ATAD3A: variants seen among roughly 807,000 people sequenced by gnomAD.
ATAD3A encodes the protein ATPase family AAA domain-containing protein 3A.
In ATAD3A, 46 loss-of-function variants were observed where a neutral mutation model predicts 73.8. That is an observed-to-expected ratio of 0.62 (90% CI 0.49 to 0.80). The LOEUF (loss-of-function observed/expected upper bound fraction) is 0.80, where lower values mean the gene tolerates loss of function less well. Among genes scored for constraint, ATAD3A ranks in the 30% least tolerant of loss-of-function variants. ATAD3A has a pLI of 0.00. For missense variants in ATAD3A, 705 were observed against 838.0 expected, an observed-to-expected ratio of 0.84 and a Z score of 1.96; for synonymous variants, 319 against 350.0, an observed-to-expected ratio of 0.91 and a Z score of 0.99.
At chr1:1,525,101 A>G (rs1356459838) in intron 11 of ATAD3A, 139 bp from the exon 12 acceptor site, 2 of 1,206,960 alleles carry the variant, frequency 1.7e-6, no homozygotes, top group African/African-American at 3.0e-5. Flanking sequence ...TGTCGAGTCC[A>G]GGACTTAGGG....
chr1:1,520,625 TACTCATAAAACA>T lies in ATAD3A; in HGVS notation c.750+9_750+20del, dbSNP rs771864890. On this transcript the variant is annotated intron_variant, in intron 7 of 15. Transcript: ENST00000378756. This position sits in a 1 kb window ranked among gnomAD's most constrained non-coding sequence, Gnocchi z 4.0. ...GACAAAGTGACAGCCACGGTAAACATACTCATAAAACAGGGCTGGCAGGTGGCTGAGGGGCAG... is the reference window on the plus strand; with the variant it reads ...GACAAAGTGACAGCCACGGTAAACATGGGCTGGCAGGTGGCTGAGGGGCAG... 1.2e-6 allele frequency: 2 copies of T among 1,613,300 alleles called. No homozygotes were observed. The highest frequency in any genetic ancestry group is 2.2e-5 in the South Asian group (2 of 91,040).
At chr1:1,528,389 A>G (rs529796095) in intron 14 of ATAD3A, among the ~76,000 whole-genome samples, 1 of 147,150 alleles carries the variant, frequency 6.8e-6, no homozygotes, top group Non-Finnish European at 1.5e-5. Flanking sequence ...CGGGATTCGA[A>G]GGAGTCTCTC....
intron 14 of ATAD3A, among the ~76,000 whole-genome samples, 192 bp downstream of exon 14, chr1:1,528,054 G>A (rs558622016): frequency 1.1e-3 from 160 of 151,792 alleles, no homozygotes; most frequent in Non-Finnish European, 1.8e-3. Flanking sequence ...CTGCCTCCCG[G>A]GTTCAAACAA....
At chr1:1,527,969 T>TC in intron 14 of ATAD3A, 107 bp downstream of exon 14, 1 of 1,382,394 alleles carries the variant, frequency 7.2e-7, no homozygotes, top group Non-Finnish European at 9.7e-7. Flanking sequence ...TTTTTTTTTT[T>TC]TTTTTTTGAG....
chr1:1,525,343 C>T (rs757150155), intron 12 of ATAD3A, 52 bp downstream of exon 12: 21 of 1,609,172 alleles, frequency 1.3e-5, no homozygotes, highest in African/African-American at 4.0e-5. Flanking sequence ...TGGGCACAGC[C>T]GTCTGCCTGG....
At position 1,518,699 on chromosome 1, in the gene ATAD3A, G is replaced by T. The variant is rs559018398; in HGVS notation, c.445-222G>T. On this transcript the variant is annotated intron_variant, in intron 4 of 15. Coordinates refer to ENST00000378756, the MANE Select transcript of ATAD3A (RefSeq NM_001170535.3). ...CACACACACACACACACCCAAACGG[G>T]TGCACAACCCACCCACACATGGGCA... is the stretch of plus-strand genomic sequence containing the variant. Among the ~76,000 whole-genome samples the T allele has an allele frequency of 1.8e-3, 182 of 99,686 alleles. 1 individual carries two copies. The highest frequency in any genetic ancestry group is 7.2e-3 in the African/African-American group (174 of 24,264). 65.4% of individuals were successfully genotyped at this position (99,686 alleles called of 152,430 possible).
At chr1:1,528,203 T>G (rs1641916618) in intron 14 of ATAD3A, among the ~76,000 whole-genome samples, 1 of 152,130 alleles carries the variant, frequency 6.6e-6, no homozygotes, top group African/African-American at 2.4e-5. Context: ...CCTCAAGTGA[T>G]TCACTCTCCT....
At chr1:1,524,060 C>T in intron 10 of ATAD3A, 96 bp downstream of exon 10, 1 of 1,597,592 alleles carries the variant, frequency 6.3e-7, no homozygotes, top group Non-Finnish European at 8.5e-7. Flanking sequence ...GAATGGACCC[C>T]CCTTAGGCCT....
intron 15 of ATAD3A, among the ~76,000 whole-genome samples, chr1:1,531,123 C>T (rs146646282): frequency 1.5e-4 from 22 of 151,480 alleles, no homozygotes; most frequent in African/African-American, 5.1e-4. Flanking sequence ...GTGCCACTGC[C>T]CTCCAGCCTG....
At position 1,523,504 on chromosome 1, in the gene ATAD3A, C is replaced by G. The variant is rs756284157; in HGVS notation, c.907-7C>G. ...ACCCGATGGCGCTTCCCCTTCCCCT[C>G]CGGCAGGTCAGCCGGCGGCTCCTCA... On this transcript the variant is annotated splice_region_variant and splice_polypyrimidine_tract_variant and intron_variant, in intron 8 of 15. Transcript: ENST00000378756. The surrounding 1 kb of genome is among the most constrained non-coding windows in gnomAD (Gnocchi z 5.1). 6.2e-7 allele frequency: 1 copy of G among 1,611,728 alleles called. No individual in the cohort carries two copies. The highest frequency in any genetic ancestry group is 8.5e-7 in the Non-Finnish European group (1 of 1,179,238).
rs180969334 is a variant in ATAD3A, at chr1:1,526,162, A to G, written c.1267-299A>G. On this transcript the variant is annotated intron_variant, in intron 12 of 15. Coordinates refer to ENST00000378756, the MANE Select transcript of ATAD3A (RefSeq NM_001170535.3). ...CTCAGCCTCCCACGTAGCTGGGACT[A>G]CAGGTGCGCCACCACGCCTGGCTAA... Among the ~76,000 whole-genome samples the G allele has an allele frequency of 2.4e-3, 370 of 151,960 alleles. 2 individuals carry two copies. Among genetic ancestry groups the G allele is most frequent in the South Asian group, 4.4e-3 (21 of 4,810 alleles).
At chr1:1,527,266 G>C (rs1214219835) in intron 13 of ATAD3A, 1 of 1,266,816 alleles carries the variant, frequency 7.9e-7, no homozygotes, top group South Asian at 1.3e-5. Flanking sequence ...GATGCTCCCT[G>C]GAGCCCTGAC....
chr1:1,518,583 A>C (rs1359099681), intron 4 of ATAD3A, among the ~76,000 whole-genome samples: 25 of 92,834 alleles, frequency 2.7e-4, no homozygotes, highest in African/African-American at 5.7e-4. Context: ...ACACACACAC[A>C]CCCGCACATG....
rs187393843 is a variant in ATAD3A, at chr1:1,521,844, C to T, written c.751-900C>T. Among the ~76,000 whole-genome samples, 510 of 152,226 alleles carry T rather than the reference C, an allele frequency of 3.4e-3. 3 individuals are homozygous for T. The highest frequency in any genetic ancestry group is 5.8e-3 in the South Asian group (28 of 4,816). On this transcript the variant is annotated intron_variant, in intron 7 of 15. Transcript: ENST00000378756. ...CCTCCCAAGTGACTGGGATTACAGG[C>T]TCACGTCACCACACTCAGCTAATAT...
At chr1:1,518,439 A>G (rs1286193400) in intron 4 of ATAD3A, among the ~76,000 whole-genome samples, 1 of 127,870 alleles carries the variant, frequency 7.8e-6, no homozygotes, top group African/African-American at 3.0e-5. Flanking sequence ...ACCCACACAC[A>G]TGGGCGCGCG....
In ATAD3A at chr1:1,527,717, A is replaced by G. The variant is rs1343381625; in HGVS notation, c.1360A>G (p.Asn454Asp). The change falls in exon 14 of 16, where the codon AAC (asparagine) becomes GAC (aspartate). Residue 454 changes from asparagine (N) to aspartate (D), a missense_variant. Asn to Asp is a conservative substitution (Grantham distance 23). Around this residue, in one of 5 missense-constraint regions of ATAD3A, gnomAD observed 252 missense variants for 278.5 expected, o/e 0.90. Transcript: ENST00000378756. ...CAGGTTCATGCTGGTCCTGGCCAGC[A>G]ACCAACCAGAGCAGTTCGACTGGGC... ...SNKFMLVLAS[N>D]QPEQFDWAIN... The G allele has an allele frequency of 6.2e-7, 1 of 1,613,054 alleles. No homozygotes were observed. The highest frequency in any genetic ancestry group is 1.7e-5 in the Admixed American group (1 of 59,908).
rs58038814 is a variant in ATAD3A, at chr1:1,523,031, C to T, written c.906+132C>T. 410 of 1,455,372 alleles carry T rather than the reference C, an allele frequency of 2.8e-4. 5 individuals are homozygous for T. The African/African-American group carries it at 3.4e-3, about 12-fold the overall frequency. The allele number at this position is 1,455,372 out of a possible 1,614,324, so 90.2% of individuals were successfully genotyped here. On this transcript the variant is annotated intron_variant, in intron 8 of 15. Transcript: ENST00000378756. The surrounding 1 kb of genome is among the most constrained non-coding windows in gnomAD (Gnocchi z 5.1). ...TAACGGGCACCCGCACACTGCTTCA[C>T]GGGTGGGTTTTCCTGTCTGGCGCTG...
rs186120732 is a variant in ATAD3A, at chr1:1,531,237, G to A, written c.1614+1906G>A. ...TGGGAGGCCAAGGCGGGCAGATCAC[G>A]AGGTCAAGAGATGGAGACCATCTGG... On this transcript the variant is annotated intron_variant, in intron 15 of 15. Transcript: ENST00000378756. 3.7e-4 allele frequency among the ~76,000 whole-genome samples: 56 copies of A among 152,180 alleles called. No homozygotes were observed. In the East Asian group the frequency reaches 4.1e-3, roughly 11 times the overall value.
intron 2 of ATAD3A, among the ~76,000 whole-genome samples, chr1:1,516,836 C>T (rs1275237407): frequency 3.3e-5 from 5 of 149,602 alleles, no homozygotes; most frequent in East Asian, 2.0e-4. Flanking sequence ...CCTCAGCCTC[C>T]GAGCAGCTGG....
Sources: gnomAD v4.1 joint callset for allele counts (sites outside exome capture counted in the v4.1 genomes callset) on GRCh38, gnomAD v4.1.1 for gene constraint, gnomAD v4.1.1 regional missense constraint, Gnocchi (gnomAD v3.1) non-coding constraint, MANE v1.5 for transcripts, NCBI Gene and HGNC (gene_info 2026-07-23, HGNC 2026-07-21) for gene names.